The following FAS variants were observed in gnomAD, a reference collection of about 807,000 sequenced individuals.
FAS encodes the protein tumor necrosis factor receptor superfamily member 6.
Under a neutral mutation model 33.2 loss-of-function variants are expected in FAS, and 5 were observed. The ratio of observed to expected loss-of-function variants is 0.15; its 90% CI spans 0.08 to 0.32. The LOEUF is 0.32. Among genes scored for constraint, FAS ranks in the 10% least tolerant of loss-of-function variants. The pLI, the probability that FAS is intolerant of heterozygous loss-of-function variation, is 1.00. For missense variants in FAS, 339 were observed against 386.0 expected (o/e 0.88, Z 1.02); for synonymous variants, 131 against 130.7 (o/e 1.00, Z -0.01).
At chr10:88,983,424 T>G (rs1369203547), upstream of FAS, among the ~76,000 whole-genome samples, 3 of 152,176 alleles carry the variant, frequency 2.0e-5, no homozygotes, top group Non-Finnish European at 2.9e-5. Context: ...TACATCTTGA[T>G]GATAAGGCCA....
chr10:89,012,304 C>T, intron 7 of FAS: 1 of 493,484 alleles, frequency 2.0e-6, no homozygotes, highest in Non-Finnish European at 3.7e-6. Flanking sequence ...CAACTGTGAC[C>T]CTGGGACTAC....
At chr10:88,980,708 C>T (rs781709802) in intron 2 of FAS, among the ~76,000 whole-genome samples, 4 of 152,202 alleles carry the variant, frequency 2.6e-5, no homozygotes, top group Non-Finnish European at 4.4e-5. Context: ...TGTCCCCCCT[C>T]TGGAGCAAGT....
intron 1 of FAS, among the ~76,000 whole-genome samples, chr10:88,968,415 C>A (rs1324191200): frequency 6.6e-6 from 1 of 152,042 alleles, no homozygotes; most frequent in African/African-American, 2.4e-5. Context: ...GCAATTAAAA[C>A]CATGTTTGTT....
chr10:89,013,446 C>T, intron 8 of FAS, 79 bp downstream of exon 8: 2 of 1,336,584 alleles, frequency 1.5e-6, no homozygotes, highest in South Asian at 1.2e-5. Context: ...AATAATGTTA[C>T]TAATTTCAGT....
chr10:88,996,289 G>A (rs919085578), intron 1 of FAS, among the ~76,000 whole-genome samples: 23 of 151,102 alleles, frequency 1.5e-4, no homozygotes, highest in South Asian at 1.3e-3. Context: ...TTTTTTTCAT[G>A]TGAATGTCTG....
chr10:89,007,521 C>T (rs1477214908), intron 2 of FAS, among the ~76,000 whole-genome samples, 179 bp from the exon 3 acceptor site: 2 of 152,138 alleles, frequency 1.3e-5, no homozygotes, highest in East Asian at 3.8e-4. Flanking sequence ...GGGAGACTTT[C>T]TGTCTGTTGA....
upstream of FAS, among the ~76,000 whole-genome samples, chr10:88,989,111 C>T (rs1235403572): frequency 6.6e-6 from 1 of 152,118 alleles, no homozygotes; most frequent in Non-Finnish European, 1.5e-5. Flanking sequence ...TTTTTGGCTA[C>T]ATTTTTTTAT....
intron 1 of FAS, among the ~76,000 whole-genome samples, chr10:88,969,099 T>C (rs953864929): frequency 2.0e-5 from 3 of 152,026 alleles, no homozygotes; most frequent in African/African-American, 7.3e-5. Flanking sequence ...TTTTTCTCTC[T>C]TATTAAATAA....
chr10:88,983,609 C>CA (rs71022549), upstream of FAS, among the ~76,000 whole-genome samples: 60 of 46,454 alleles, frequency 1.3e-3, 14 homozygotes, highest in Middle Eastern at 0.022. Flanking sequence ...ACAGGTTATG[C>CA]AAAAAAAAAA....
At chr10:88,973,291 C>G (rs893166441) in exon 2 of FAS, 5 of 1,611,982 alleles carry the variant, frequency 3.1e-6, no homozygotes, top group Non-Finnish European at 3.4e-6. Context: ...TCTAGGTCAT[C>G]ATCACCATCT....
chr10:88,986,897 G>A (rs572615334), upstream of FAS, among the ~76,000 whole-genome samples: 4 of 151,884 alleles, frequency 2.6e-5, no homozygotes, highest in East Asian at 7.7e-4. Context: ...GAAAAGCAAT[G>A]TAAAAGTAAA....
chr10:88,976,642 A>G (rs11202916), intron 2 of FAS, among the ~76,000 whole-genome samples: 37,257 of 152,198 alleles, frequency 0.24, 5,666 homozygotes, highest in East Asian at 0.45. Context: ...CAATTCAATG[A>G]TATTGTGTTA....
chr10:88,978,547 A>C (rs1375400452), intron 2 of FAS, among the ~76,000 whole-genome samples: 5 of 152,162 alleles, frequency 3.3e-5, no homozygotes, highest in Non-Finnish European at 5.9e-5. Flanking sequence ...ACCTGTTGGA[A>C]AGTGGTAAGA....
At chr10:88,999,168 T>TA (rs1554848996) in intron 1 of FAS, among the ~76,000 whole-genome samples, 2,317 of 67,804 alleles carry the variant, frequency 0.034, 65 homozygotes, top group East Asian at 0.21. Context: ...AATAAATAAA[T>TA]AAATAAAATA....
intron 1 of FAS, among the ~76,000 whole-genome samples, chr10:89,001,229 A>G (rs996657683): frequency 6.7e-6 from 1 of 149,234 alleles, no homozygotes; most frequent in Non-Finnish European, 1.5e-5. Context: ...CATTCTTGCC[A>G]TGCTGAGGGC....
intron 2 of FAS, among the ~76,000 whole-genome samples, chr10:88,978,669 C>T (rs1187345959): frequency 6.6e-6 from 1 of 152,142 alleles, no homozygotes; most frequent in Non-Finnish European, 1.5e-5. Context: ...AGTTCATTTG[C>T]ACCACGGCTC....
intron 1 of FAS, among the ~76,000 whole-genome samples, chr10:88,965,500 C>G (rs1361433475): frequency 6.6e-6 from 1 of 152,154 alleles, no homozygotes; most frequent in African/African-American, 2.4e-5. Flanking sequence ...AACATAAAAG[C>G]CTTGCCCTAT....
intron 2 of FAS, among the ~76,000 whole-genome samples, chr10:89,007,011 C>A (rs942943883): frequency 6.6e-6 from 1 of 152,134 alleles, no homozygotes; most frequent in Non-Finnish European, 1.5e-5. Flanking sequence ...CAGTACATAT[C>A]CTGTCTTTTG....
intron 2 of FAS, among the ~76,000 whole-genome samples, chr10:88,976,771 T>G (rs1432074730): frequency 6.6e-6 from 1 of 152,234 alleles, no homozygotes; most frequent in African/African-American, 2.4e-5. Context: ...CTTGAAAGTA[T>G]TTTTACTAAA....
Sources: gnomAD v4.1 joint callset for allele counts (sites outside exome capture counted in the v4.1 genomes callset) on GRCh38, gnomAD v4.1.1 for gene constraint, MANE v1.5 for transcripts, NCBI Gene and HGNC (gene_info 2026-07-23, HGNC 2026-07-21) for gene names.